The following CALML4 variants were observed in gnomAD, a reference collection of about 807,000 sequenced individuals.
The protein encoded by CALML4 is calmodulin like 4, also known as calmodulin-like protein 4.
A neutral mutation model predicts 17.9 loss-of-function variants in CALML4; 16 were observed. The observed-to-expected ratio is 0.89, with a 90% CI of 0.61 to 1.36. The LOEUF (loss-of-function observed/expected upper bound fraction) is 1.36, where lower values mean the gene tolerates loss of function less well. CALML4 is among the 40% of genes most tolerant of loss of function. The pLI is 0.00. For missense variants in CALML4, 203 were observed against 194.8 expected, an observed-to-expected ratio of 1.04 and a Z score of -0.25; for synonymous variants, 86 against 71.5, an observed-to-expected ratio of 1.20 and a Z score of -1.02.
intron 3 of CALML4, chr15:68,198,198 C>G (rs1159450412): frequency 6.6e-6 from 1 of 152,478 alleles, no homozygotes; most frequent in Non-Finnish European, 1.5e-5. Context: ...GGACAGAAAT[C>G]AAGGAAACCA....
upstream of CALML4, chr15:68,205,667 C>T: frequency 2.5e-6 from 1 of 400,238 alleles, no homozygotes; most frequent in Non-Finnish European, 4.7e-6. This position sits in a 1 kb window ranked among gnomAD's most constrained non-coding sequence, Gnocchi z 4.8. Flanking sequence ...ATTGAAGGCT[C>T]CTCACACACC....
rs1228217293 is a variant in CALML4 at position 68,204,717 on chromosome 15, G to C, written c.34+404C>G. Among the ~76,000 whole-genome samples the C allele has an allele frequency of 6.6e-6, 1 of 152,172 alleles. No individual in the cohort carries two copies. Among genetic ancestry groups the C allele is most frequent in the Non-Finnish European group, 1.5e-5 (1 of 67,986 alleles). ...GGAGACTGAGGCGCAGAGAGTAGAC[G>C]CATCCTGCCAGAGAGTGCAGACCTG... On this transcript the variant is annotated intron_variant, in intron 2 of 4. Transcript: ENST00000467889. The surrounding 1 kb of genome is among the most constrained non-coding windows in gnomAD (Gnocchi z 6.0).
upstream of CALML4, chr15:68,205,575 G>C: frequency 1.6e-6 from 1 of 633,878 alleles, no homozygotes; most frequent in Non-Finnish European, 2.7e-6. This position sits in a 1 kb window ranked among gnomAD's most constrained non-coding sequence, Gnocchi z 4.8. Context: ...CTCCAGGAAG[G>C]GGTCTTCTCT....
Position 68,197,292 on chromosome 15 carries a change from A to T in CALML4, c.364+148T>A. On this transcript the variant is annotated intron_variant, in intron 4 of 4. Transcript: ENST00000467889. The surrounding 1 kb of genome is among the most constrained non-coding windows in gnomAD (Gnocchi z 4.1). Reference sequence around the variant, plus strand: ...TTCCCCAGGCTCCAGTCCAGCACCCACCTAGTGTGGCATCTGCTCACAGTC... The same window carrying T: ...TTCCCCAGGCTCCAGTCCAGCACCCTCCTAGTGTGGCATCTGCTCACAGTC... 2.9e-6 allele frequency: 2 copies of T among 700,810 alleles called. No homozygotes were observed. The highest frequency in any genetic ancestry group is 2.0e-5 in the South Asian group (1 of 49,572). 43.4% of individuals were successfully genotyped at this position (700,810 alleles called of 1,614,324 possible). A position where few individuals can be genotyped will look rare whatever the true frequency, so the allele number is the denominator to read the frequency against.
upstream of CALML4, chr15:68,205,713 C>A: frequency 3.2e-6 from 1 of 314,460 alleles, no homozygotes; most frequent in Non-Finnish European, 6.1e-6. This position sits in a 1 kb window ranked among gnomAD's most constrained non-coding sequence, Gnocchi z 4.8. Context: ...CCAAGACGGC[C>A]TAACTCAGAG....
chr15:68,197,293 C>A lies in CALML4; in HGVS notation c.364+147G>T. 4.2e-6 allele frequency: 3 copies of A among 705,922 alleles called. No individual in the cohort carries two copies. The South Asian group carries it at 6.0e-5, about 14-fold the overall frequency. 43.7% of individuals were successfully genotyped at this position (705,922 alleles called of 1,614,324 possible). On this transcript the variant is annotated intron_variant, in intron 4 of 4. Transcript: ENST00000467889. The surrounding 1 kb of genome is among the most constrained non-coding windows in gnomAD (Gnocchi z 4.1). The stretch of plus-strand genomic sequence containing the variant: ...TCCCCAGGCTCCAGTCCAGCACCCA[C>A]CTAGTGTGGCATCTGCTCACAGTCT...
At chr15:68,195,663 T>C (rs1451180553) in intron 4 of CALML4, among the ~76,000 whole-genome samples, 1 of 152,210 alleles carries the variant, frequency 6.6e-6, no homozygotes, top group Non-Finnish European at 1.5e-5. Flanking sequence ...ATTCCAAGGA[T>C]GCTTTTTAAA....
intron 2 of CALML4, among the ~76,000 whole-genome samples, chr15:68,202,060 G>A (rs1296244964): frequency 6.6e-6 from 1 of 152,220 alleles, no homozygotes; most frequent in Non-Finnish European, 1.5e-5. Flanking sequence ...ACAAACATTT[G>A]TTGAATGAAA....
Position 68,191,753 on chromosome 15 carries a change from A to G in CALML4, c.*2262T>C, listed in dbSNP as rs2093121294. ...CTTCTTGTAAACAACACTAGGTGCT[A>G]GAGAAACCAGCTGGAATTTCAGGAA... On this transcript the variant is annotated 3_prime_UTR_variant, in exon 5 of 5. Transcript: ENST00000467889. The G allele has an allele frequency of 6.6e-6, 1 of 152,258 alleles. No individual in the cohort carries two copies. The highest frequency in any genetic ancestry group is 1.5e-5 in the Non-Finnish European group (1 of 68,044). The allele number at this position is 152,258 out of a possible 1,614,324, so 9.4% of individuals were successfully genotyped here. A position where few individuals can be genotyped will look rare whatever the true frequency, so the allele number is the denominator to read the frequency against.
At chr15:68,205,381 A>C, upstream of CALML4, 3 of 1,613,476 alleles carry the variant, frequency 1.9e-6, no homozygotes, top group Non-Finnish European at 1.7e-6. The surrounding 1 kb of genome is among the most constrained non-coding windows in gnomAD (Gnocchi z 4.8). Flanking sequence ...TGCCATGGAG[A>C]CTGGGCCCGA....
intron 2 of CALML4, among the ~76,000 whole-genome samples, chr15:68,203,603 G>C (rs1275201641): frequency 6.6e-6 from 1 of 152,202 alleles, no homozygotes; most frequent in Non-Finnish European, 1.5e-5. Context: ...GCTAGCTGTA[G>C]TGAGCCAGCC....
chr15:68,202,419 A>G (rs920322487), intron 2 of CALML4, among the ~76,000 whole-genome samples: 2 of 152,208 alleles, frequency 1.3e-5, no homozygotes, highest in Non-Finnish European at 2.9e-5. Context: ...CAGCCTGGAC[A>G]ATATAGTAAG....
chr15:68,196,340 G>C (rs912575243), intron 4 of CALML4, among the ~76,000 whole-genome samples: 1 of 151,802 alleles, frequency 6.6e-6, no homozygotes, highest in Non-Finnish European at 1.5e-5. Context: ...AGGGACCTGA[G>C]GGGTCACCTA....
chr15:68,199,484 GTC>G lies in CALML4; in HGVS notation c.175+55_175+56del, dbSNP rs1174577654. 2.6e-6 allele frequency: 4 copies of G among 1,561,846 alleles called. No homozygotes were observed. The Admixed American group carries it at 5.4e-5, about 21-fold the overall frequency. On this transcript the variant is annotated intron_variant, in intron 3 of 4. Transcript: ENST00000467889. ...CTGCTGAGCTTTTCACACCTCTACT[GTC>G]TGCACCCACCTGCTGGGCCCCTCCC...
rs1165213007 is a variant in CALML4, at chr15:68,200,995, G to C, written c.35-1314C>G. ...GGGCAGACACCACTGAGAGCAGTAG[G>C]GTGAGGGAGAGGATGCAGAAGGAGC... is the stretch of plus-strand genomic sequence containing the variant. On this transcript the variant is annotated intron_variant, in intron 2 of 4. Transcript: ENST00000467889. This position sits in a 1 kb window ranked among gnomAD's most constrained non-coding sequence, Gnocchi z 4.3. Among the ~76,000 whole-genome samples the C allele has an allele frequency of 6.6e-6, 1 of 152,064 alleles. No individual in the cohort carries two copies. The highest frequency in any genetic ancestry group is 1.5e-5 in the Non-Finnish European group (1 of 68,006).
rs1206797001 is a variant in CALML4, at chr15:68,197,319, CCTG to C, written c.364+118_364+120del. ...CTAGTGTGGCATCTGCTCACAGTCTCCTGCGCGCGCATCAACAGAGGTGGTCTG... is the reference window on the plus strand; with the variant it reads ...CTAGTGTGGCATCTGCTCACAGTCTCCGCGCGCATCAACAGAGGTGGTCTG... On this transcript the variant is annotated intron_variant, in intron 4 of 4. Transcript: ENST00000467889. This position sits in a 1 kb window ranked among gnomAD's most constrained non-coding sequence, Gnocchi z 4.1. 1.1e-6 allele frequency: 1 copy of C among 885,316 alleles called. No individual in the cohort carries two copies. Among genetic ancestry groups the C allele is most frequent in the Non-Finnish European group, 1.7e-6 (1 of 572,910 alleles). The allele number at this position is 885,316 out of a possible 1,614,324, so 54.8% of individuals were successfully genotyped here. A position where few individuals can be genotyped will look rare whatever the true frequency, so the allele number is the denominator to read the frequency against.
At position 68,190,994 on chromosome 15, in the gene CALML4, A is replaced by G. The variant is rs1274689400; in HGVS notation, c.*3021T>C. On this transcript the variant is annotated 3_prime_UTR_variant, in exon 5 of 5. Coordinates refer to ENST00000467889, the MANE Select transcript of CALML4 (RefSeq NM_033429.3). The surrounding 1 kb of genome is among the most constrained non-coding windows in gnomAD (Gnocchi z 4.7). ...TGTGGAAAGAGCATTTTTTTAGACAATTTCAATTTTAAACACATAAAACTT... is the reference window on the plus strand; with the variant it reads ...TGTGGAAAGAGCATTTTTTTAGACAGTTTCAATTTTAAACACATAAAACTT... 3 of 152,272 alleles carry G rather than the reference A, an allele frequency of 2.0e-5. No homozygotes were observed. The highest frequency in any genetic ancestry group is 7.2e-5 in the African/African-American group (3 of 41,452). The allele number at this position is 152,272 out of a possible 1,614,324, so 9.4% of individuals were successfully genotyped here.
In CALML4 at chr15:68,204,128, C is replaced by T. The variant is rs930715715; in HGVS notation, c.34+993G>A. Among the ~76,000 whole-genome samples, 4 of 152,138 alleles carry T rather than the reference C, an allele frequency of 2.6e-5. No homozygotes were observed. Among genetic ancestry groups the T allele is most frequent in the African/African-American group, 9.7e-5 (4 of 41,434 alleles). ...TGGGATAAAGAGTTCCAGGGTTCTA[C>T]GTGGAGGTGCCCACCTGGAGCTCAC... On this transcript the variant is annotated intron_variant, in intron 2 of 4. Coordinates refer to ENST00000467889, the MANE Select transcript of CALML4 (RefSeq NM_033429.3). This position sits in a 1 kb window ranked among gnomAD's most constrained non-coding sequence, Gnocchi z 6.0.
At position 68,200,828 on chromosome 15, in the gene CALML4, C is replaced by A. The variant is rs1002154108; in HGVS notation, c.35-1147G>T. 6.6e-6 allele frequency among the ~76,000 whole-genome samples: 1 copy of A among 152,176 alleles called. No homozygotes were observed. Among genetic ancestry groups the A allele is most frequent in the African/African-American group, 2.4e-5 (1 of 41,440 alleles). ...ACAATTCACGTTGCTGAGCACTCCA[C>A]CCCCAGGCCCTCGCTTCATCCCCAC... On this transcript the variant is annotated intron_variant, in intron 2 of 4. Transcript: ENST00000467889. This position sits in a 1 kb window ranked among gnomAD's most constrained non-coding sequence, Gnocchi z 4.3.
Sources: gnomAD v4.1 joint callset for allele counts (sites outside exome capture counted in the v4.1 genomes callset) on GRCh38, gnomAD v4.1.1 for gene constraint, Gnocchi (gnomAD v3.1) non-coding constraint, MANE v1.5 for transcripts, NCBI Gene and HGNC (gene_info 2026-07-23, HGNC 2026-07-21) for gene names.